Variants in MAP3K21 observed in about 807,000 individuals in gnomAD.
The protein encoded by MAP3K21 is mitogen-activated protein kinase kinase kinase MLK4.
MAP3K21 carries 63 observed loss-of-function variants against 86.1 expected under a neutral mutation model. The ratio of observed to expected loss-of-function variants is 0.73; its 90% confidence interval spans 0.60 to 0.90. The LOEUF (loss-of-function observed/expected upper bound fraction) is 0.90. Ranked by LOEUF, MAP3K21 falls within the 40% of genes least tolerant of loss-of-function variation. The probability of loss-of-function intolerance (pLI) is 0.00; values close to 1 mark genes in which losing one functional copy is unlikely to be tolerated. For missense variants in MAP3K21, 1,220 were observed against 1,367.7 expected, an observed-to-expected ratio of 0.89 and a Z score of 1.70; for synonymous variants, 558 against 564.8, an observed-to-expected ratio of 0.99 and a Z score of 0.17.
In MAP3K21 at chr1:233,328,527, A is replaced by G. The variant is rs1469967295; in HGVS notation, c.499A>G (p.Ser167Gly). 7 of 1,531,048 alleles carry G rather than the reference A, an allele frequency of 4.6e-6. No individual in the cohort carries two copies. Among genetic ancestry groups the G allele is most frequent in the Non-Finnish European group, 6.1e-6 (7 of 1,149,862 alleles). The allele number at this position is 1,531,048 out of a possible 1,614,324, so 94.8% of individuals were successfully genotyped here. A position where few individuals can be genotyped will look rare whatever the true frequency, so the allele number is the denominator to read the frequency against. ...GCAGGACGCGGCGGCGGCTGCCGAG[A>G]GCGTGCGGCGCGAGGCTCGGCTCTT... ...PEQDAAAAAE[S>G]VRREARLFAM... The change falls in exon 1 of 10, where the codon AGC becomes GGC. Residue 167 changes from serine (S) to glycine (G), a missense_variant. Physicochemically the swap from Ser to Gly is moderately conservative, Grantham distance 56 (BLOSUM62 0). This residue lies in a region of MAP3K21 where 369 missense variants were observed against 385.3 expected (regional missense o/e 0.96). Coordinates refer to ENST00000366624, the MANE Select transcript of MAP3K21 (RefSeq NM_032435.3). This position sits in a 1 kb window ranked among gnomAD's most constrained non-coding sequence, Gnocchi z 8.7.
chr1:233,339,243 C>G (rs1387558726), intron 1 of MAP3K21, among the ~76,000 whole-genome samples: 3 of 88,602 alleles, frequency 3.4e-5, no homozygotes, highest in African/African-American at 8.9e-5. Context: ...TCTTCTTCTT[C>G]TTCTTCTTCT....
chr1:233,378,401 C>T (rs927785632), intron 8 of MAP3K21, among the ~76,000 whole-genome samples: 5 of 152,142 alleles, frequency 3.3e-5, no homozygotes, highest in African/African-American at 9.7e-5. Flanking sequence ...ATTCCATAGT[C>T]TGGGGTGGGC....
intron 3 of MAP3K21, among the ~76,000 whole-genome samples, chr1:233,354,301 G>A (rs1433000850): frequency 6.6e-6 from 1 of 152,162 alleles, no homozygotes; most frequent in Non-Finnish European, 1.5e-5. Context: ...GATCAGAAAT[G>A]CCTTATGGTC....
At chr1:233,352,163 A>G (rs1663262652) in intron 2 of MAP3K21, among the ~76,000 whole-genome samples, 1 of 152,186 alleles carries the variant, frequency 6.6e-6, no homozygotes, top group Non-Finnish European at 1.5e-5. Flanking sequence ...CTAGAATTAC[A>G]GGCGTGAACT....
At chr1:233,337,604 G>A (rs972089146) in intron 1 of MAP3K21, among the ~76,000 whole-genome samples, 7 of 152,152 alleles carry the variant, frequency 4.6e-5, no homozygotes, top group Non-Finnish European at 1.0e-4. Context: ...TTGGAGGTGA[G>A]GGTCTTTTTA....
chr1:233,372,684 G>A (rs12568697), intron 6 of MAP3K21: 37,558 of 153,230 alleles, frequency 0.25, 5,878 homozygotes, highest in East Asian at 0.41. Context: ...AGACAGTACA[G>A]ACAGCTGATT....
chr1:233,328,730 G>T lies in MAP3K21; in HGVS notation c.702G>T (p.Pro234=). ...PGPRRARRIP[P]HVLVNWAVQI... The stretch of plus-strand genomic sequence containing the variant: ...CCCGCCGCGCGCGCCGCATCCCTCC[G>T]CACGTGCTGGTCAACTGGGCCGTGC... The change falls in exon 1 of 10, where the codon CCG becomes CCT. Residue 234 remains proline, a synonymous_variant. Coordinates refer to ENST00000366624, the MANE Select transcript of MAP3K21 (RefSeq NM_032435.3). This position sits in a 1 kb window ranked among gnomAD's most constrained non-coding sequence, Gnocchi z 8.7. The T allele has an allele frequency of 1.4e-6, 2 of 1,434,358 alleles. No homozygotes were observed. The highest frequency in any genetic ancestry group is 9.2e-7 in the Non-Finnish European group (1 of 1,085,084). The allele number at this position is 1,434,358 out of a possible 1,614,324, so 88.9% of individuals were successfully genotyped here.
chr1:233,334,084 C>G (rs891901816), intron 1 of MAP3K21, among the ~76,000 whole-genome samples: 3 of 151,634 alleles, frequency 2.0e-5, no homozygotes, highest in African/African-American at 7.3e-5. Context: ...CCAGGATGGT[C>G]TTGATCTCCT....
At chr1:233,365,664 C>T (rs1663559270) in intron 5 of MAP3K21, among the ~76,000 whole-genome samples, 1 of 152,164 alleles carries the variant, frequency 6.6e-6, no homozygotes, top group South Asian at 2.1e-4. Context: ...AACTCTTACA[C>T]ACATTCTCTT....
At chr1:233,337,577 G>A (rs942060746) in intron 1 of MAP3K21, among the ~76,000 whole-genome samples, 2 of 152,218 alleles carry the variant, frequency 1.3e-5, no homozygotes, top group Non-Finnish European at 2.9e-5. Context: ...ACTTAATCAG[G>A]TATTTGTTCA....
At chr1:233,344,385 A>T (rs1969375) in intron 1 of MAP3K21, among the ~76,000 whole-genome samples, 62,281 of 151,924 alleles carry the variant, frequency 0.41, 13,642 homozygotes, top group Admixed American at 0.54. Flanking sequence ...AAACAGAGAG[A>T]TAGACCAATG....
intron 2 of MAP3K21, among the ~76,000 whole-genome samples, chr1:233,350,810 A>G (rs1425483410): frequency 6.6e-6 from 1 of 152,238 alleles, no homozygotes; most frequent in Non-Finnish European, 1.5e-5. Flanking sequence ...GCCCTGAGTC[A>G]TTACAATTCT....
intron 1 of MAP3K21, among the ~76,000 whole-genome samples, chr1:233,344,072 G>A (rs1267558366): frequency 1.3e-5 from 2 of 152,128 alleles, no homozygotes; most frequent in Non-Finnish European, 2.9e-5. Context: ...TGCTTGGAAG[G>A]GCCAGGTAGG....
At chr1:233,347,744 GA>G (rs951716684) in intron 2 of MAP3K21, among the ~76,000 whole-genome samples, 59 of 152,286 alleles carry the variant, frequency 3.9e-4, no homozygotes, top group African/African-American at 1.4e-3. Context: ...TGGAGGGAAG[GA>G]GCGGGGAAAG....
chr1:233,377,371 A>G (rs4649307), intron 8 of MAP3K21, among the ~76,000 whole-genome samples: 1 of 152,010 alleles, frequency 6.6e-6, no homozygotes. Context: ...AGCAAGACAC[A>G]ATGTAAATGT....
intron 4 of MAP3K21, among the ~76,000 whole-genome samples, chr1:233,356,619 G>A (rs1429672577): frequency 6.6e-6 from 1 of 152,144 alleles, no homozygotes; most frequent in Non-Finnish European, 1.5e-5. Flanking sequence ...TCACACATGT[G>A]CCCAAGGAAA....
chr1:233,370,821 C>T (rs1156710503), intron 5 of MAP3K21, among the ~76,000 whole-genome samples: 1 of 152,142 alleles, frequency 6.6e-6, no homozygotes, highest in Non-Finnish European at 1.5e-5. Context: ...GGCAATGAAC[C>T]ATTTGGGATT....
In MAP3K21 at chr1:233,376,448, T is replaced by A; in HGVS notation, c.1845T>A (p.Asp615Glu). ...DCKERIRPLS[D>E]GNSPWSTILI... ...CTTGTAGGATAAGACCTCTCTCCGA[T>A]GGCAACAGTCCTTGGTCAACTATCT... is the stretch of plus-strand genomic sequence containing the variant. The change falls in exon 8 of 10, where the codon GAT (aspartate) becomes GAA (glutamate). Residue 615 changes from aspartate to glutamate, a missense_variant. Transcript: ENST00000366624. 2 of 1,613,156 alleles carry A rather than the reference T, an allele frequency of 1.2e-6. No homozygotes were observed. Among genetic ancestry groups the A allele is most frequent in the South Asian group, 1.1e-5 (1 of 91,026 alleles).
chr1:233,339,210 CT>C (rs1662970393), intron 1 of MAP3K21, among the ~76,000 whole-genome samples: 1 of 44,706 alleles, frequency 2.2e-5, no homozygotes, highest in Non-Finnish European at 4.6e-5. Flanking sequence ...TCTTCTTCTT[CT>C]TCTTCTTCTT....
Sources: allele counts gnomAD v4.1 joint callset (sites outside exome capture counted in the v4.1 genomes callset), GRCh38; gene constraint gnomAD v4.1.1; regional missense constraint gnomAD v4.1.1; non-coding constraint Gnocchi (gnomAD v3.1); transcripts MANE v1.5; gene names NCBI Gene and HGNC (gene_info 2026-07-23, HGNC 2026-07-21).